The following CDH13 variants were observed in gnomAD, a reference collection of about 807,000 sequenced individuals.
CDH13 encodes cadherin-13.
CDH13 carries 24 observed loss-of-function variants against 63.8 expected under a neutral mutation model. The ratio of observed to expected loss-of-function variants is 0.38; its 90% CI spans 0.27 to 0.53. The LOEUF (loss-of-function observed/expected upper bound fraction) is 0.53. Among genes scored for constraint, CDH13 ranks in the 20% least tolerant of loss-of-function variants. The pLI is 0.85. For missense variants in CDH13, 1,049 were observed against 903.1 expected, an observed-to-expected ratio of 1.16 and a Z score of -2.07; for synonymous variants, 503 against 355.3, an observed-to-expected ratio of 1.42 and a Z score of -4.67.
chr16:82,863,261 C>G (rs1567611099), intron 2 of CDH13, among the ~76,000 whole-genome samples: 1 of 152,274 alleles, frequency 6.6e-6, no homozygotes, highest in African/African-American at 2.4e-5. Flanking sequence ...AGGTCGTGCA[C>G]CTGCGACTAT....
intron 4 of CDH13, among the ~76,000 whole-genome samples, chr16:83,158,087 T>C (rs2037289469): frequency 6.6e-6 from 1 of 152,050 alleles, no homozygotes; most frequent in African/African-American, 2.4e-5. Context: ...GAAAGTGGGT[T>C]CCCTGTCTCA....
intron 2 of CDH13, among the ~76,000 whole-genome samples, chr16:82,887,656 A>G (rs551830555): frequency 1.4e-4 from 21 of 152,178 alleles, no homozygotes; most frequent in Admixed American, 1.2e-3. Flanking sequence ...CCTCATCTCT[A>G]TTAAAAATAC....
At chr16:83,792,420 G>T (rs768238210) in intron 13 of CDH13, among the ~76,000 whole-genome samples, 3 of 152,270 alleles carry the variant, frequency 2.0e-5, no homozygotes, top group African/African-American at 7.2e-5. Flanking sequence ...GAAAACAAGA[G>T]ATTGGAGCCT....
chr16:83,409,591 G>C (rs1192089793), intron 6 of CDH13, among the ~76,000 whole-genome samples: 2 of 152,190 alleles, frequency 1.3e-5, no homozygotes, highest in Non-Finnish European at 2.9e-5. Flanking sequence ...TTGATCTGTT[G>C]AGTAATCTAC....
rs1172376344 is a variant in CDH13, at chr16:83,371,800, T to C, written c.781+26794T>C. Among the ~76,000 whole-genome samples the C allele has an allele frequency of 2.6e-5, 4 of 152,304 alleles. No homozygotes were observed. In the South Asian group the frequency reaches 8.3e-4, roughly 32 times the overall value. ...ATAGTACCCCTGAATGGACAGTGCT[T>C]CACGAGTCTTTTCTGGATGACCCTA... On this transcript the variant is annotated intron_variant, in intron 6 of 13. Transcript: ENST00000567109.
chr16:83,602,653 A>C, intron 8 of CDH13, 59 bp downstream of exon 8: 1 of 1,563,550 alleles, frequency 6.4e-7, no homozygotes. Context: ...TTACTGATTG[A>C]TGTTAATTCA....
At chr16:83,114,282 ATGT>A (rs1362220783) in intron 3 of CDH13, among the ~76,000 whole-genome samples, 1 of 151,982 alleles carries the variant, frequency 6.6e-6, no homozygotes, top group Non-Finnish European at 1.5e-5. Context: ...ATTACTGGAG[ATGT>A]TGTTTCTGAT....
intron 7 of CDH13, among the ~76,000 whole-genome samples, chr16:83,504,169 C>G (rs2074346156): frequency 6.6e-6 from 1 of 152,040 alleles, no homozygotes; most frequent in African/African-American, 2.4e-5. Flanking sequence ...TGGACATAGC[C>G]CATGCCAAGG....
intron 1 of CDH13, among the ~76,000 whole-genome samples, chr16:82,768,392 T>G (rs1429239632): frequency 1.3e-5 from 2 of 152,196 alleles, no homozygotes; most frequent in Non-Finnish European, 2.9e-5. Context: ...ATTGACCATT[T>G]CAGCCACTAC....
intron 2 of CDH13, among the ~76,000 whole-genome samples, chr16:83,028,472 C>T (rs1474882232): frequency 6.6e-6 from 1 of 152,166 alleles, no homozygotes; most frequent in Non-Finnish European, 1.5e-5. Flanking sequence ...CTCTTCAGGA[C>T]TGGGCAGGAA....
At chr16:83,357,605 C>T (rs1162598340) in intron 6 of CDH13, among the ~76,000 whole-genome samples, 2 of 152,240 alleles carry the variant, frequency 1.3e-5, no homozygotes, top group East Asian at 1.9e-4. Flanking sequence ...TTGGGTTCCA[C>T]ACTGGGGAAG....
intron 2 of CDH13, among the ~76,000 whole-genome samples, chr16:82,880,474 G>A (rs1050871962): frequency 2.6e-5 from 4 of 152,110 alleles, no homozygotes; most frequent in Non-Finnish European, 2.9e-5. Flanking sequence ...TTGAATGGGG[G>A]CATTTGCTCT....
intron 6 of CDH13, among the ~76,000 whole-genome samples, chr16:83,390,062 G>GA (rs75690941): frequency 8.6e-5 from 13 of 151,362 alleles, no homozygotes; most frequent in South Asian, 6.3e-4. Flanking sequence ...AATTTTCCCA[G>GA]AAAAAAAAAT....
At chr16:83,243,149 C>T (rs532105588) in intron 5 of CDH13, among the ~76,000 whole-genome samples, 7 of 152,262 alleles carry the variant, frequency 4.6e-5, no homozygotes, top group African/African-American at 7.2e-5. Context: ...AGAGTGGCCT[C>T]GTACCAGGGC....
chr16:83,098,053 T>C (rs998857824), intron 3 of CDH13, among the ~76,000 whole-genome samples: 5 of 152,168 alleles, frequency 3.3e-5, no homozygotes, highest in African/African-American at 9.7e-5. Flanking sequence ...TAGGATACTA[T>C]TGGGATGGTC....
At chr16:83,521,435 G>T (rs1179221794) in intron 7 of CDH13, among the ~76,000 whole-genome samples, 3 of 152,110 alleles carry the variant, frequency 2.0e-5, no homozygotes, top group African/African-American at 7.2e-5. Context: ...CCTTTAGCAG[G>T]TTCCTTAATA....
chr16:82,747,566 C>G (rs948271296), intron 1 of CDH13, among the ~76,000 whole-genome samples: 7 of 150,918 alleles, frequency 4.6e-5, no homozygotes, highest in African/African-American at 7.4e-5. Context: ...TCCTCAGGTC[C>G]GAATCAGAAA....
chr16:82,713,442 CT>C (rs1407067851), intron 1 of CDH13, among the ~76,000 whole-genome samples: 2 of 152,154 alleles, frequency 1.3e-5, no homozygotes, highest in African/African-American at 2.4e-5. Flanking sequence ...ATGCGTCCCC[CT>C]GAAACCCTTT....
chr16:83,040,510 G>A (rs1162461574), intron 3 of CDH13, among the ~76,000 whole-genome samples: 1 of 152,134 alleles, frequency 6.6e-6, no homozygotes, highest in Non-Finnish European at 1.5e-5. Flanking sequence ...GAAGAACTTG[G>A]AGTGTGATGT....
Sources: gnomAD v4.1 joint callset for allele counts (sites outside exome capture counted in the v4.1 genomes callset) on GRCh38, gnomAD v4.1.1 for gene constraint, MANE v1.5 for transcripts, NCBI Gene and HGNC (gene_info 2026-07-23, HGNC 2026-07-21) for gene names.